Variants in TTC7A observed in about 807,000 individuals in gnomAD.
TTC7A encodes tetratricopeptide repeat domain 7A, also known as tetratricopeptide repeat protein 7A.
Under a neutral mutation model 103.7 loss-of-function variants are expected in TTC7A, and 110 were observed. The ratio of observed to expected loss-of-function variants is 1.06; its 90% CI spans 0.91 to 1.24. The LOEUF is 1.24. Among genes scored for constraint, TTC7A ranks in the 50% most tolerant of loss-of-function variants. The pLI is 0.00. For synonymous variants in TTC7A, 521 were observed against 467.9 expected (o/e 1.11, Z -1.47); for missense variants, 1,340 against 1,116.3 (o/e 1.20, Z -2.86).
At chr2:46,981,150 T>TC (rs562681451) in intron 5 of TTC7A, among the ~76,000 whole-genome samples, 40 of 150,206 alleles carry the variant, frequency 2.7e-4, no homozygotes, top group African/African-American at 4.9e-4. Context: ...AATTTGCTGA[T>TC]CCCCCCCGCC....
In TTC7A at chr2:46,944,790, C is replaced by T. The variant is rs187335928; in HGVS notation, c.184+3065C>T. Among the ~76,000 whole-genome samples, 5 of 152,282 alleles carry T rather than the reference C, an allele frequency of 3.3e-5. No homozygotes were observed. The East Asian group carries it at 9.7e-4, about 29-fold the overall frequency. Reference sequence around the variant, plus strand: ...TCCTGGGCTTAAGCTATTCTCCTACCTCGGCCTCCCAAAGTGTTGAGATTT... The same window carrying T: ...TCCTGGGCTTAAGCTATTCTCCTACTTCGGCCTCCCAAAGTGTTGAGATTT... On this transcript the variant is annotated intron_variant, in intron 1 of 19. Coordinates refer to ENST00000319190, the MANE Select transcript of TTC7A (RefSeq NM_020458.4).
chr2:46,986,475 G>T (rs1300013512), intron 5 of TTC7A, among the ~76,000 whole-genome samples: 3 of 152,114 alleles, frequency 2.0e-5, no homozygotes, highest in Non-Finnish European at 2.9e-5. Flanking sequence ...CCAGAGGGGA[G>T]CCTGTGGTGG....
At chr2:47,034,291 A>T (rs1680877338) in intron 15 of TTC7A, 1 of 152,212 alleles carries the variant, frequency 6.6e-6, no homozygotes, top group Admixed American at 6.5e-5. Flanking sequence ...CTCAGGGGGC[A>T]GCAGCTCCCT....
chr2:47,022,548 C>T (rs186710547), intron 12 of TTC7A, among the ~76,000 whole-genome samples: 4 of 152,318 alleles, frequency 2.6e-5, no homozygotes, highest in Admixed American at 2.0e-4. Context: ...TGTCTTACTC[C>T]GTCTATCAGG....
rs200911031 is a variant in TTC7A at position 47,023,399 on chromosome 2, C to G, written c.1511-9C>G. ...CCTGATGGCTCAGTTTCTGTCCTGT[C>G]CCCTGCAGCCACCCTGAAGTCCAAG... On this transcript the variant is annotated splice_polypyrimidine_tract_variant and intron_variant, in intron 12 of 19. Coordinates refer to ENST00000319190, the MANE Select transcript of TTC7A (RefSeq NM_020458.4). 9 of 1,613,846 alleles carry G rather than the reference C, an allele frequency of 5.6e-6. No individual in the cohort carries two copies. Among genetic ancestry groups the G allele is most frequent in the Admixed American group, 5.0e-5 (3 of 60,014 alleles).
chr2:46,995,205 C>T lies in TTC7A; in HGVS notation c.1065+6C>T, dbSNP rs1214135041. Reference sequence around the variant, plus strand: ...TCCTCATCAGCGAATCCATGGTAAGCTCCAGGATGTCCTTCAGGGGCCTCT... The same window carrying T: ...TCCTCATCAGCGAATCCATGGTAAGTTCCAGGATGTCCTTCAGGGGCCTCT... On this transcript the variant is annotated splice_donor_region_variant and intron_variant, in intron 8 of 19. Transcript: ENST00000319190. 4 of 1,613,790 alleles carry T rather than the reference C, an allele frequency of 2.5e-6. No individual in the cohort carries two copies. In the East Asian group the frequency reaches 6.7e-5, roughly 27 times the overall value.
chr2:46,917,401 G>A, intron 2 of TTC7A: 2 of 562,066 alleles, frequency 3.6e-6, no homozygotes, highest in East Asian at 3.1e-5. Flanking sequence ...CTTCTACCCT[G>A]CATCTGCCAT....
intron 13 of TTC7A, 49 bp downstream of exon 13, chr2:47,023,514 A>C: frequency 1.9e-6 from 3 of 1,588,718 alleles, no homozygotes; most frequent in Non-Finnish European, 2.6e-6. Context: ...CTTTGGTGGC[A>C]GATTCACAAG....
chr2:47,040,948 G>A (rs1681671313), intron 15 of TTC7A, among the ~76,000 whole-genome samples: 1 of 152,186 alleles, frequency 6.6e-6, no homozygotes, highest in African/African-American at 2.4e-5. Flanking sequence ...TTGCTCTTCT[G>A]GAATGGCTCT....
chr2:47,050,916 G>C (rs1244309435), intron 17 of TTC7A: 1 of 152,236 alleles, frequency 6.6e-6, no homozygotes, highest in Non-Finnish European at 1.5e-5. Context: ...GGTCTCCTGA[G>C]TTTATTGGAG....
Position 46,950,492 on chromosome 2 carries a change from A to T in TTC7A, c.314A>T (p.Tyr105Phe). The T allele has an allele frequency of 6.2e-7, 1 of 1,614,180 alleles. No homozygotes were observed. The highest frequency in any genetic ancestry group is 8.5e-7 in the Non-Finnish European group (1 of 1,180,030). ...NEPKMSEAKN[Y>F]LSSILNHGRL... ...CCGAAGATGAGCGAAGCCAAAAATT[A>T]TCTAAGCAGTATCCTTAACCATGGG... Residue 105 changes from tyrosine to phenylalanine, a missense_variant, in exon 2 of 20, where the codon TAT (tyrosine) becomes TTT (phenylalanine). Transcript: ENST00000319190.
chr2:46,915,913 C>A (rs13023820), upstream of TTC7A: 33 of 984,910 alleles, frequency 3.4e-5, no homozygotes, highest in East Asian at 3.2e-3. Flanking sequence ...GCTGTGAGGA[C>A]GGCTCGCGTG....
chr2:47,010,424 T>TCCCA (rs1677915504), intron 10 of TTC7A, among the ~76,000 whole-genome samples: 1 of 152,232 alleles, frequency 6.6e-6, no homozygotes, highest in African/African-American at 2.4e-5. Context: ...TCCCAAGATC[T>TCCCA]GGATAAGTGT....
At chr2:47,029,958 C>G (rs527783303) in intron 15 of TTC7A, among the ~76,000 whole-genome samples, 1 of 152,322 alleles carries the variant, frequency 6.6e-6, no homozygotes, top group South Asian at 2.1e-4. Context: ...TGCCACCCAG[C>G]CAGGACACTG....
intron 15 of TTC7A, among the ~76,000 whole-genome samples, chr2:47,036,138 C>T (rs1014937531): frequency 4.6e-5 from 7 of 152,154 alleles, no homozygotes; most frequent in Non-Finnish European, 1.0e-4. Context: ...GGAGGGAAGC[C>T]GAGACCCGGA....
chr2:46,941,417 C>CG lies in TTC7A; in HGVS notation c.-125_-124insG. On this transcript the variant is annotated 5_prime_UTR_variant, in exon 1 of 20. Coordinates refer to ENST00000319190, the MANE Select transcript of TTC7A (RefSeq NM_020458.4). This position sits in a 1 kb window ranked among gnomAD's most constrained non-coding sequence, Gnocchi z 4.2. ...TCCGCCGCCCGGGCCCCCGCTGCCGCCCGGGCCCCGGCTGCCGTCTGCGCC... is the reference window on the plus strand; with the variant it reads ...TCCGCCGCCCGGGCCCCCGCTGCCGCGCCGGGCCCCGGCTGCCGTCTGCGCC... 1 of 1,004,526 alleles carries CG rather than the reference C, an allele frequency of 1.0e-6. No homozygotes were observed. The highest frequency in any genetic ancestry group is 1.3e-6 in the Non-Finnish European group (1 of 790,032). 62.2% of individuals were successfully genotyped at this position (1,004,526 alleles called of 1,614,324 possible).
At chr2:47,012,847 G>A (rs1371544159) in intron 11 of TTC7A, among the ~76,000 whole-genome samples, 1 of 152,168 alleles carries the variant, frequency 6.6e-6, no homozygotes, top group African/African-American at 2.4e-5. Context: ...TGTCTGAAGT[G>A]CCCCATCCCC....
At chr2:46,940,126 G>T (rs10164756), upstream of TTC7A, among the ~76,000 whole-genome samples, 8,834 of 152,034 alleles carry the variant, frequency 0.058, 319 homozygotes, top group African/African-American at 0.093. This position sits in a 1 kb window ranked among gnomAD's most constrained non-coding sequence, Gnocchi z 4.7. Flanking sequence ...GGCCACACGG[G>T]ACTATGCACT....
upstream of TTC7A, chr2:46,915,967 C>T (rs555682166): frequency 1.2e-5 from 12 of 985,428 alleles, no homozygotes; most frequent in East Asian, 1.0e-3. Context: ...GCGGGACTGA[C>T]GCAGTTCTTC....
Sources: gnomAD v4.1 joint callset for allele counts (sites outside exome capture counted in the v4.1 genomes callset) on GRCh38, gnomAD v4.1.1 for gene constraint, Gnocchi (gnomAD v3.1) non-coding constraint, MANE v1.5 for transcripts, NCBI Gene and HGNC (gene_info 2026-07-23, HGNC 2026-07-21) for gene names.